The following LAMA2 variants were observed in gnomAD, a reference collection of about 807,000 sequenced individuals.
LAMA2 encodes laminin subunit alpha 2, also known as laminin subunit alpha-2.
In LAMA2, 269 loss-of-function variants were observed where a neutral mutation model predicts 364.8. The observed-to-expected ratio is 0.74, with a 90% confidence interval of 0.67 to 0.82. The LOEUF (loss-of-function observed/expected upper bound fraction) is 0.82. Among genes scored for constraint, LAMA2 ranks in the 40% least tolerant of loss-of-function variants. LAMA2 has a pLI of 0.00. For synonymous variants in LAMA2, 1,379 were observed against 1,370.6 expected, an observed-to-expected ratio of 1.01 and a Z score of -0.14; for missense variants, 3,807 against 3,873.2, an observed-to-expected ratio of 0.98 and a Z score of 0.45.
intron 28 of LAMA2, among the ~76,000 whole-genome samples, chr6:129,325,270 A>G (rs1775204335): frequency 6.6e-6 from 1 of 152,226 alleles, no homozygotes; most frequent in Admixed American, 6.5e-5. Context: ...GAACTTTGGA[A>G]AAGTTTAAAT....
intron 3 of LAMA2, among the ~76,000 whole-genome samples, chr6:129,084,937 C>T (rs985435647): frequency 3.3e-5 from 5 of 152,094 alleles, no homozygotes; most frequent in Middle Eastern, 3.2e-3. Context: ...GTTCTGTTAT[C>T]CAGTCTTTGC....
chr6:129,512,179 AC>A (rs1047082454), intron 62 of LAMA2, among the ~76,000 whole-genome samples, 183 bp from the exon 63 acceptor site: 1 of 152,140 alleles, frequency 6.6e-6, no homozygotes, highest in African/African-American at 2.4e-5. Flanking sequence ...GCAATAACTA[AC>A]TATGGAGTGT....
chr6:129,179,093 G>T (rs1780782041), intron 10 of LAMA2, among the ~76,000 whole-genome samples: 1 of 151,760 alleles, frequency 6.6e-6, no homozygotes, highest in African/African-American at 2.4e-5. Context: ...TGCTTGAGTT[G>T]ACCAAGATTG....
At chr6:129,085,715 C>T (rs933266965) in intron 3 of LAMA2, among the ~76,000 whole-genome samples, 5 of 152,104 alleles carry the variant, frequency 3.3e-5, no homozygotes, top group African/African-American at 7.2e-5. Flanking sequence ...TTCAGAAATC[C>T]AGCTCTCAGC....
At chr6:129,488,980 C>A (rs1474086954) in intron 56 of LAMA2, among the ~76,000 whole-genome samples, 1 of 152,126 alleles carries the variant, frequency 6.6e-6, no homozygotes, top group Non-Finnish European at 1.5e-5. Flanking sequence ...CTAACCTGCC[C>A]AAAATCATGT....
chr6:129,408,377 A>G (rs891552174), intron 40 of LAMA2, among the ~76,000 whole-genome samples: 2 of 152,174 alleles, frequency 1.3e-5, no homozygotes, highest in Admixed American at 1.3e-4. Flanking sequence ...GGGAAACATG[A>G]TAAGACCAGT....
At chr6:129,051,374 G>A (rs1480708128) in intron 2 of LAMA2, among the ~76,000 whole-genome samples, 1 of 149,466 alleles carries the variant, frequency 6.7e-6, no homozygotes, top group African/African-American at 2.4e-5. Flanking sequence ...GTGCAGTGGT[G>A]CGATCTCAGC....
At chr6:128,992,760 G>C (rs1783684119) in intron 1 of LAMA2, among the ~76,000 whole-genome samples, 2 of 152,120 alleles carry the variant, frequency 1.3e-5, no homozygotes, top group African/African-American at 4.8e-5. Flanking sequence ...CTCTTTGTTT[G>C]TTTTGTGCTT....
At chr6:128,978,404 GC>G (rs1200888828) in intron 1 of LAMA2, among the ~76,000 whole-genome samples, 4 of 142,876 alleles carry the variant, frequency 2.8e-5, no homozygotes, top group Admixed American at 7.1e-5. Context: ...TGCAACATTC[GC>G]CTCCCGGGTT....
At chr6:129,264,127 G>A (rs910051514) in intron 15 of LAMA2, among the ~76,000 whole-genome samples, 5 of 152,104 alleles carry the variant, frequency 3.3e-5, no homozygotes, top group Non-Finnish European at 7.4e-5. Flanking sequence ...GGAAGGAGAA[G>A]GGTTAATATG....
intron 53 of LAMA2, among the ~76,000 whole-genome samples, chr6:129,475,658 G>T (rs1447588944): frequency 2.0e-5 from 3 of 151,988 alleles, no homozygotes; most frequent in Non-Finnish European, 2.9e-5. Flanking sequence ...CTGCTCACTT[G>T]TTCAACCATC....
chr6:129,155,839 A>T (rs1377416262), intron 8 of LAMA2, among the ~76,000 whole-genome samples: 1 of 151,112 alleles, frequency 6.6e-6, no homozygotes, highest in Non-Finnish European at 1.5e-5. Context: ...GATTGTCTAT[A>T]GTAGGGGCTT....
chr6:128,972,243 T>C (rs1368782258), intron 1 of LAMA2, among the ~76,000 whole-genome samples: 3 of 152,226 alleles, frequency 2.0e-5, no homozygotes, highest in Non-Finnish European at 4.4e-5. Flanking sequence ...TCTGTTCTAT[T>C]CACTGTCTCA....
At chr6:129,002,952 TA>T in intron 1 of LAMA2, among the ~76,000 whole-genome samples, 1 of 22,000 alleles carries the variant, frequency 4.5e-5, no homozygotes. Context: ...AAGTCAATCC[TA>T]AGCCAAAAGA....
chr6:129,405,354 A>G (rs1344247372), intron 40 of LAMA2, among the ~76,000 whole-genome samples: 3 of 152,158 alleles, frequency 2.0e-5, no homozygotes, highest in Admixed American at 2.0e-4. Flanking sequence ...GTAACATTTT[A>G]TGATAAGGAG....
chr6:129,238,032 G>A (rs1236187549), intron 12 of LAMA2, among the ~76,000 whole-genome samples: 1 of 151,546 alleles, frequency 6.6e-6, no homozygotes, highest in Non-Finnish European at 1.5e-5. Context: ...AGGCATGGTG[G>A]TGCACACCTA....
At chr6:129,104,101 T>G (rs1775682754) in intron 4 of LAMA2, among the ~76,000 whole-genome samples, 1 of 152,120 alleles carries the variant, frequency 6.6e-6, no homozygotes, top group South Asian at 2.1e-4. Flanking sequence ...TATAGCTCAC[T>G]GCAGGCTCAA....
intron 1 of LAMA2, among the ~76,000 whole-genome samples, chr6:129,004,598 C>T (rs879056663): frequency 6.6e-6 from 1 of 152,066 alleles, no homozygotes; most frequent in South Asian, 2.1e-4. Context: ...AATGTATTGC[C>T]TTCTCAGTAA....
chr6:128,985,504 CA>C (rs1024050628), intron 1 of LAMA2, among the ~76,000 whole-genome samples: 6 of 151,800 alleles, frequency 4.0e-5, no homozygotes, highest in African/African-American at 1.5e-4. Context: ...CACACAAGAA[CA>C]AAACAAAAGA....
Sources: gnomAD v4.1 joint callset for allele counts (sites outside exome capture counted in the v4.1 genomes callset) on GRCh38, gnomAD v4.1.1 for gene constraint, MANE v1.5 for transcripts, NCBI Gene and HGNC (gene_info 2026-07-23, HGNC 2026-07-21) for gene names.